TCF3: variants seen among roughly 807,000 people sequenced by gnomAD.
TCF3 encodes transcription factor 3, also known as transcription factor E2-alpha.
Under a neutral mutation model 72.3 loss-of-function variants are expected in TCF3, and 54 were observed. That is an observed-to-expected ratio of 0.75 (90% CI 0.60 to 0.94). The LOEUF (loss-of-function observed/expected upper bound fraction) is 0.94, where lower values mean the gene tolerates loss of function less well. Ranked by LOEUF, TCF3 falls within the 40% of genes least tolerant of loss-of-function variation. The pLI, the probability that TCF3 is intolerant of heterozygous loss-of-function variation, is 0.00. For missense variants in TCF3, 1,078 were observed against 934.4 expected (o/e 1.15, Z -2.00); for synonymous variants, 525 against 412.6 (o/e 1.27, Z -3.30).
At chr19:1,630,732 C>G (rs2063603257) in intron 5 of TCF3, among the ~76,000 whole-genome samples, 1 of 152,226 alleles carries the variant, frequency 6.6e-6, no homozygotes, top group Non-Finnish European at 1.5e-5. Flanking sequence ...AATTCCACAG[C>G]TGAGGCACTG....
intron 2 of TCF3, among the ~76,000 whole-genome samples, chr19:1,646,701 C>A (rs1260408492): frequency 1.3e-5 from 2 of 152,224 alleles, no homozygotes; most frequent in Non-Finnish European, 2.9e-5. Context: ...AGAGTCCCTG[C>A]CGCTGAAAAC....
rs969499622 is a variant in TCF3 at position 1,609,319 on chromosome 19, T to C, written c.*2388A>G. The C allele has an allele frequency of 6.9e-5, 13 of 188,442 alleles. No homozygotes were observed. Among genetic ancestry groups the C allele is most frequent in the Middle Eastern group, 1.8e-3 (1 of 544 alleles). 11.7% of individuals were successfully genotyped at this position (188,442 alleles called of 1,614,324 possible). On this transcript the variant is annotated 3_prime_UTR_variant, in exon 19 of 19. Coordinates refer to ENST00000262965, the MANE Select transcript of TCF3 (RefSeq NM_003200.5). Reference sequence around the variant, plus strand: ...CGTTATAAAATGTCACGTTTATTGCTACAGTGCTGTTATATACAGGACAGG... The same window carrying C: ...CGTTATAAAATGTCACGTTTATTGCCACAGTGCTGTTATATACAGGACAGG...
At chr19:1,648,375 G>A (rs756469740) in intron 2 of TCF3, among the ~76,000 whole-genome samples, 2 of 152,144 alleles carry the variant, frequency 1.3e-5, no homozygotes, top group Non-Finnish European at 1.5e-5. Flanking sequence ...CGGAGAGGAC[G>A]GGCACCTCGC....
rs1199224952 is a variant in TCF3 at position 1,639,853 on chromosome 19, C to T, written c.145+6502G>A. On this transcript the variant is annotated intron_variant, in intron 3 of 18. Coordinates refer to ENST00000262965, the MANE Select transcript of TCF3 (RefSeq NM_003200.5). ...GGGGTTCACGGGGTGGAACCCTCAA[C>T]ACCACACTGATGGAACAGAAGAGGG... Among the ~76,000 whole-genome samples the T allele has an allele frequency of 2.7e-5, 4 of 150,394 alleles. No homozygotes were observed. In the East Asian group the frequency reaches 7.9e-4, roughly 30 times the overall value.
chr19:1,640,452 C>T (rs1202836887), intron 3 of TCF3, among the ~76,000 whole-genome samples: 1 of 152,180 alleles, frequency 6.6e-6, no homozygotes, highest in Non-Finnish European at 1.5e-5. Flanking sequence ...GTAATAATTA[C>T]ACCTATTTCG....
chr19:1,621,764 G>C, intron 11 of TCF3, 74 bp downstream of exon 11: 1 of 1,462,498 alleles, frequency 6.8e-7, no homozygotes, highest in Non-Finnish European at 9.0e-7. Context: ...TGGAGTCCTC[G>C]CCACCCCCCA....
intron 5 of TCF3, among the ~76,000 whole-genome samples, chr19:1,631,779 G>C (rs1167727908): frequency 1.3e-5 from 2 of 152,204 alleles, no homozygotes; most frequent in African/African-American, 4.8e-5. Context: ...TCCCAGGGAG[G>C]AAGTGGGGTC....
At chr19:1,636,246 G>A (rs1171249119) in intron 3 of TCF3, among the ~76,000 whole-genome samples, 3 of 152,024 alleles carry the variant, frequency 2.0e-5, no homozygotes, top group Non-Finnish European at 4.4e-5. Context: ...TGCAACCTCC[G>A]CCTCCTGGGT....
chr19:1,624,453 T>G (rs2062637087), intron 7 of TCF3, among the ~76,000 whole-genome samples: 1 of 152,090 alleles, frequency 6.6e-6, no homozygotes, highest in Non-Finnish European at 1.5e-5. Context: ...TTTATACGGC[T>G]CCAAAGATGT....
In TCF3 at chr19:1,634,396, T is replaced by C. The variant is rs141866513; in HGVS notation, c.146-1991A>G. On this transcript the variant is annotated intron_variant, in intron 3 of 18. Coordinates refer to ENST00000262965, the MANE Select transcript of TCF3 (RefSeq NM_003200.5). ...ACCCGGGAAGGGCACCTTCCTGCCC[T>C]GGGCCAGCCTGGCTGCCTCGGGAGA... Among the ~76,000 whole-genome samples the C allele has an allele frequency of 6.1e-3, 936 of 152,354 alleles. 16 individuals are homozygous for C. Among genetic ancestry groups the C allele is most frequent in the African/African-American group, 0.021 (883 of 41,574 alleles).
intron 11 of TCF3, 65 bp from the exon 12 acceptor site, chr19:1,621,256 TCCTGCGTTCTGC>T (rs1391058874): frequency 9.3e-6 from 14 of 1,501,334 alleles, no homozygotes; most frequent in Admixed American, 6.0e-5. Flanking sequence ...CGGCAAGCTC[TCCTGCGTTCTGC>T]CGTCCTGCAC....
intron 5 of TCF3, among the ~76,000 whole-genome samples, chr19:1,630,086 G>T (rs575724100): frequency 5.7e-4 from 87 of 152,354 alleles, no homozygotes; most frequent in Non-Finnish European, 9.0e-4. Context: ...CACCCGTGGG[G>T]GTGGCAGGTG....
rs1445200742 is a variant in TCF3, at chr19:1,610,104, G to A, written c.*1603C>T. ...GACAGTCCCCAGCCAGCTGGGAAGA[G>A]CTGGTTACCCTCATGGCAAAAGACC... On this transcript the variant is annotated 3_prime_UTR_variant, in exon 19 of 19. Transcript: ENST00000262965. The A allele has an allele frequency of 4.3e-6, 1 of 232,724 alleles. No individual in the cohort carries two copies. The highest frequency in any genetic ancestry group is 5.6e-5 in the Admixed American group (1 of 17,762). The allele number at this position is 232,724 out of a possible 1,614,324, so 14.4% of individuals were successfully genotyped here.
chr19:1,621,523 C>T (rs2062211338), intron 11 of TCF3, among the ~76,000 whole-genome samples: 2 of 151,472 alleles, frequency 1.3e-5, no homozygotes, highest in Non-Finnish European at 2.9e-5. Flanking sequence ...CTCTCTGGGC[C>T]TGGGTGGGTG....
At chr19:1,620,759 G>A (rs1382984204) in intron 13 of TCF3, among the ~76,000 whole-genome samples, 1 of 152,196 alleles carries the variant, frequency 6.6e-6, no homozygotes, top group Non-Finnish European at 1.5e-5. Flanking sequence ...AAGCCCATGG[G>A]GGACTCCCTT....
intron 3 of TCF3, among the ~76,000 whole-genome samples, chr19:1,641,753 G>C (rs571023937): frequency 9.2e-5 from 14 of 152,096 alleles, no homozygotes; most frequent in Admixed American, 7.9e-4. Context: ...GCACCCAGCT[G>C]AAATTTTTCT....
rs753665581 is a variant in TCF3 at position 1,621,990 on chromosome 19, G to A, written c.823-20C>T. On this transcript the variant is annotated intron_variant, in intron 10 of 18. Transcript: ENST00000262965. ...GTAGCCCTGGGGGGTCAGGCAGGAG[G>A]AGGGTGGGTTAGATGGGCACTGCCA... 3.2e-5 allele frequency: 51 copies of A among 1,602,302 alleles called. 1 individual carries two copies. In the Middle Eastern group the frequency reaches 5.1e-4, roughly 16 times the overall value.
intron 3 of TCF3, among the ~76,000 whole-genome samples, chr19:1,633,271 G>T (rs1034621612): frequency 2.0e-5 from 3 of 152,224 alleles, no homozygotes. Flanking sequence ...TGGCCACGGA[G>T]TTGCTGCCCT....
At chr19:1,631,320 G>A (rs1353140398) in intron 5 of TCF3, among the ~76,000 whole-genome samples, 2 of 150,924 alleles carry the variant, frequency 1.3e-5, no homozygotes, top group Middle Eastern at 3.4e-3. Flanking sequence ...CCAGGCTGGA[G>A]GGCAATGGCG....
Sources: gnomAD v4.1 joint callset for allele counts (sites outside exome capture counted in the v4.1 genomes callset) on GRCh38, gnomAD v4.1.1 for gene constraint, MANE v1.5 for transcripts, NCBI Gene and HGNC (gene_info 2026-07-23, HGNC 2026-07-21) for gene names.